Variants in LMNTD1 observed in about 807,000 individuals in gnomAD.
LMNTD1 encodes lamin tail domain containing 1, also known as lamin tail domain-containing protein 1.
A neutral mutation model predicts 50.9 loss-of-function variants in LMNTD1; 35 were observed. The ratio of observed to expected loss-of-function variants is 0.69; its 90% CI spans 0.53 to 0.91. The LOEUF (loss-of-function observed/expected upper bound fraction) is 0.91. LMNTD1 is among the 40% of genes least tolerant of loss of function. The probability of loss-of-function intolerance (pLI) is 0.00; values close to 1 mark genes in which losing one functional copy is unlikely to be tolerated. For synonymous variants in LMNTD1, 153 were observed against 161.9 expected (o/e 0.94, Z 0.42); for missense variants, 470 against 475.5 (o/e 0.99, Z 0.11).
At chr12:25,551,445 A>T (rs1378891201) in intron 2 of LMNTD1, among the ~76,000 whole-genome samples, 1 of 152,000 alleles carries the variant, frequency 6.6e-6, no homozygotes, top group African/African-American at 2.4e-5. Context: ...GCTGGAGTAC[A>T]GTGGTACAAT....
intron 1 of LMNTD1, among the ~76,000 whole-genome samples, chr12:25,609,578 C>T (rs1259252976): frequency 6.6e-6 from 1 of 152,242 alleles, no homozygotes; most frequent in Non-Finnish European, 1.5e-5. Context: ...ACAGTCAGGT[C>T]CCTCAGCTGC....
At chr12:25,552,737 TA>T in intron 2 of LMNTD1, 133 bp downstream of exon 2, 1 of 629,670 alleles carries the variant, frequency 1.6e-6, no homozygotes, top group South Asian at 2.0e-5. Context: ...CCATTATTTC[TA>T]GAAAATTTGT....
intron 2 of LMNTD1, among the ~76,000 whole-genome samples, chr12:25,549,897 A>G (rs1943656102): frequency 6.6e-6 from 1 of 152,156 alleles, no homozygotes; most frequent in African/African-American, 2.4e-5. Context: ...CTCTAAGTGG[A>G]GACTTTATAA....
intron 3 of LMNTD1, among the ~76,000 whole-genome samples, chr12:25,548,008 T>C (rs918804485): frequency 2.6e-5 from 4 of 151,870 alleles, no homozygotes; most frequent in African/African-American, 9.6e-5. Flanking sequence ...AACCCAAATA[T>C]AGAACATATG....
intron 1 of LMNTD1, among the ~76,000 whole-genome samples, chr12:25,564,891 A>T (rs1422205004): frequency 1.3e-5 from 2 of 152,134 alleles, no homozygotes; most frequent in Admixed American, 6.5e-5. Flanking sequence ...TATTTGCTTT[A>T]TATATCTGGG....
chr12:25,581,055 T>C (rs1292525459), intron 1 of LMNTD1, among the ~76,000 whole-genome samples: 1 of 152,096 alleles, frequency 6.6e-6, no homozygotes. Flanking sequence ...TGAACAGCAA[T>C]CTCTCCAATC....
chr12:25,489,663 C>T (rs546786675), intron 9 of LMNTD1, among the ~76,000 whole-genome samples: 1 of 151,980 alleles, frequency 6.6e-6, no homozygotes, highest in Non-Finnish European at 1.5e-5. Context: ...CTCTCAGTCC[C>T]CAATAGCCAT....
At chr12:25,532,157 G>GT (rs940583943) in intron 4 of LMNTD1, among the ~76,000 whole-genome samples, 38 of 151,636 alleles carry the variant, frequency 2.5e-4, no homozygotes, top group Middle Eastern at 3.4e-3. Context: ...TGTATACGTT[G>GT]TTTTTTTTGT....
chr12:25,628,107 C>CAAAAAAA (rs58780549), intron 1 of LMNTD1, among the ~76,000 whole-genome samples: 1 of 52,450 alleles, frequency 1.9e-5, no homozygotes, highest in Non-Finnish European at 3.1e-5. Context: ...AACTCCGTCT[C>CAAAAAAA]AAAAAAAAAA....
At chr12:25,588,696 G>A (rs12426550) in intron 1 of LMNTD1, among the ~76,000 whole-genome samples, 1 of 152,046 alleles carries the variant, frequency 6.6e-6, no homozygotes, top group Non-Finnish European at 1.5e-5. Context: ...TCTTGTCTTA[G>A]GTTGTCCTTA....
chr12:25,595,476 G>A (rs1333486963), intron 1 of LMNTD1, among the ~76,000 whole-genome samples: 2 of 152,096 alleles, frequency 1.3e-5, no homozygotes, highest in African/African-American at 2.4e-5. Flanking sequence ...GTTCCTTAAT[G>A]ATCATTGGGT....
intron 1 of LMNTD1, among the ~76,000 whole-genome samples, chr12:25,562,434 TCTTTC>T (rs1341519368): frequency 1.3e-5 from 2 of 152,224 alleles, no homozygotes; most frequent in Admixed American, 6.5e-5. Context: ...GGTTGCAAAT[TCTTTC>T]CTTTAAGAAT....
chr12:25,636,767 T>C (rs192924832), intron 1 of LMNTD1, among the ~76,000 whole-genome samples: 1 of 152,100 alleles, frequency 6.6e-6, no homozygotes, highest in Non-Finnish European at 1.5e-5. Context: ...ATAAAGAAAC[T>C]GTGGTATATA....
intron 8 of LMNTD1, among the ~76,000 whole-genome samples, chr12:25,512,301 G>A (rs935657208): frequency 4.4e-4 from 67 of 152,130 alleles, no homozygotes; most frequent in Non-Finnish European, 4.1e-4. Context: ...AGCAAAAAAC[G>A]AGACAATAGC....
chr12:25,489,185 A>G (rs374772810), intron 9 of LMNTD1, among the ~76,000 whole-genome samples: 2 of 151,688 alleles, frequency 1.3e-5, no homozygotes, highest in African/African-American at 4.8e-5. Context: ...TGCTTTGTTT[A>G]CCTAAGCAAG....
At chr12:25,592,309 A>C (rs1945725085) in intron 1 of LMNTD1, among the ~76,000 whole-genome samples, 1 of 152,326 alleles carries the variant, frequency 6.6e-6, no homozygotes, top group South Asian at 2.1e-4. Context: ...GCAGGCATAC[A>C]TTAGGAAAGC....
intron 9 of LMNTD1, among the ~76,000 whole-genome samples, chr12:25,497,268 T>A (rs1434805823): frequency 6.6e-6 from 1 of 152,074 alleles, no homozygotes; most frequent in African/African-American, 2.4e-5. Flanking sequence ...GCAGCGAGGA[T>A]GAGACCGGCC....
At chr12:25,613,610 G>C (rs1300608596) in intron 1 of LMNTD1, among the ~76,000 whole-genome samples, 2 of 152,122 alleles carry the variant, frequency 1.3e-5, no homozygotes, top group Non-Finnish European at 2.9e-5. Context: ...ACATTGTAGT[G>C]CAGTGCTCTG....
At position 25,499,541 on chromosome 12, in the gene LMNTD1, C is replaced by G. The variant is rs543043686; in HGVS notation, c.*22+4197G>C. 3.9e-5 allele frequency among the ~76,000 whole-genome samples: 6 copies of G among 152,218 alleles called. No homozygotes were observed. The South Asian group carries it at 1.2e-3, about 32-fold the overall frequency. The stretch of plus-strand genomic sequence containing the variant: ...ATATTTCATTATCTGGGTATGGATA[C>G]TGTTTACTTCTGGTTTTGAATATGG... On this transcript the variant is annotated intron_variant, in intron 9 of 9. Coordinates refer to ENST00000458174, the MANE Select transcript of LMNTD1 (RefSeq NM_001145728.2).
Sources: allele counts gnomAD v4.1 joint callset (sites outside exome capture counted in the v4.1 genomes callset), GRCh38; gene constraint gnomAD v4.1.1; transcripts MANE v1.5; gene names NCBI Gene and HGNC (gene_info 2026-07-23, HGNC 2026-07-21).